The following LPCAT1 variants were observed in gnomAD, a reference collection of about 807,000 sequenced individuals.
LPCAT1 encodes lysophosphatidylcholine acyltransferase 1.
LPCAT1 carries 23 observed loss-of-function variants against 60.9 expected under a neutral mutation model. The observed-to-expected ratio is 0.38, with a 90% CI of 0.27 to 0.53. LPCAT1 has a LOEUF of 0.53. Among genes scored for constraint, LPCAT1 ranks in the 20% least tolerant of loss-of-function variants. LPCAT1 has a pLI of 0.82. For synonymous variants in LPCAT1, 340 were observed against 301.1 expected, an observed-to-expected ratio of 1.13 and a Z score of -1.34; for missense variants, 622 against 723.6, an observed-to-expected ratio of 0.86 and a Z score of 1.61.
intron 12 of LPCAT1, 99 bp from the exon 13 acceptor site, chr5:1,466,989 G>A: frequency 2.3e-6 from 3 of 1,282,794 alleles, no homozygotes; most frequent in Non-Finnish European, 3.0e-6. Context: ...CTTTGTCAGA[G>A]CTGCTGGGCA....
rs1239969721 is a variant in LPCAT1, at chr5:1,480,135, C to T, written c.762-460G>A. ...ATTTGGAGCTGCTCCCAGGGCCACA[C>T]TCACGCCTCCGACAGCCCAGTGCCC... On this transcript the variant is annotated intron_variant, in intron 7 of 13. Transcript: ENST00000283415. The surrounding 1 kb of genome is among the most constrained non-coding windows in gnomAD (Gnocchi z 6.4). Among the ~76,000 whole-genome samples the T allele has an allele frequency of 2.6e-5, 4 of 151,874 alleles. No homozygotes were observed. Among genetic ancestry groups the T allele is most frequent in the African/African-American group, 9.7e-5 (4 of 41,318 alleles).
chr5:1,494,630 C>T, intron 3 of LPCAT1, 70 bp downstream of exon 3: 1 of 1,425,118 alleles, frequency 7.0e-7, no homozygotes, highest in Non-Finnish European at 9.9e-7. Context: ...CTCTTATTCT[C>T]AGCAGCAGGG....
At position 1,502,982 on chromosome 5, in the gene LPCAT1, G is replaced by A. The variant is rs117217541; in HGVS notation, c.136-1379C>T. ...AATACCATTTCGACACGTACTCAAC[G>A]TAGAAGTTGCTACTGGCTAGTTTGC... is the stretch of plus-strand genomic sequence containing the variant. On this transcript the variant is annotated intron_variant, in intron 1 of 13. Coordinates refer to ENST00000283415, the MANE Select transcript of LPCAT1 (RefSeq NM_024830.5). This position sits in a 1 kb window ranked among gnomAD's most constrained non-coding sequence, Gnocchi z 5.5. 2.0e-5 allele frequency among the ~76,000 whole-genome samples: 3 copies of A among 152,284 alleles called. No individual in the cohort carries two copies. Among genetic ancestry groups the A allele is most frequent in the East Asian group, 1.9e-4 (1 of 5,186 alleles).
intron 1 of LPCAT1, among the ~76,000 whole-genome samples, chr5:1,509,552 A>C (rs932236667): frequency 2.0e-5 from 3 of 152,032 alleles, no homozygotes; most frequent in Non-Finnish European, 4.4e-5. Flanking sequence ...AGCAAACACC[A>C]CCAGCCCGCC....
intron 11 of LPCAT1, 121 bp from the exon 12 acceptor site, chr5:1,471,045 G>T: frequency 1.4e-6 from 1 of 731,062 alleles, no homozygotes. Context: ...GGGAACATCT[G>T]CCCATGTGAA....
chr5:1,512,343 G>A (rs1187678679), intron 1 of LPCAT1, among the ~76,000 whole-genome samples: 2 of 152,144 alleles, frequency 1.3e-5, no homozygotes, highest in Admixed American at 6.5e-5. Context: ...ATCATCCCAC[G>A]GAGGCTCACA....
intron 5 of LPCAT1, among the ~76,000 whole-genome samples, chr5:1,485,518 G>A (rs369162237): frequency 6.6e-6 from 1 of 152,214 alleles, no homozygotes; most frequent in Non-Finnish European, 1.5e-5. Flanking sequence ...CATAGCTTGT[G>A]CTGGGCATGG....
At chr5:1,489,979 G>T in intron 3 of LPCAT1, 121 bp from the exon 4 acceptor site, 4 of 730,002 alleles carry the variant, frequency 5.5e-6, no homozygotes, top group Non-Finnish European at 7.4e-6. Flanking sequence ...TGCCCCAGGG[G>T]CTGTGCCATG....
chr5:1,483,567 G>C lies in LPCAT1; in HGVS notation c.668-81C>G. 2.1e-6 allele frequency: 3 copies of C among 1,455,484 alleles called. No homozygotes were observed. Among genetic ancestry groups the C allele is most frequent in the Non-Finnish European group, 2.9e-6 (3 of 1,047,186 alleles). 90.2% of individuals were successfully genotyped at this position (1,455,484 alleles called of 1,614,324 possible). On this transcript the variant is annotated intron_variant, in intron 5 of 13. Transcript: ENST00000283415. The surrounding 1 kb of genome is among the most constrained non-coding windows in gnomAD (Gnocchi z 9.2). ...GCTGCGTTTCTCATGCTGCCCTTGG[G>C]ATAAAAGTGAGCTTTTCTGTCTAGG...
At chr5:1,474,167 C>G in intron 10 of LPCAT1, 57 bp from the exon 11 acceptor site, 1 of 1,547,664 alleles carries the variant, frequency 6.5e-7, no homozygotes, top group Non-Finnish European at 8.9e-7. Flanking sequence ...CATGCTAACA[C>G]CAGATTTACT....
intron 2 of LPCAT1, among the ~76,000 whole-genome samples, chr5:1,497,539 C>T (rs1037428352): frequency 5.9e-5 from 9 of 152,228 alleles, no homozygotes; most frequent in African/African-American, 2.2e-4. Context: ...CCTGGGGCCA[C>T]GTCTGGCGGG....
At chr5:1,494,996 A>T (rs1735732461) in intron 2 of LPCAT1, 82 bp from the exon 3 acceptor site, 1 of 1,317,454 alleles carries the variant, frequency 7.6e-7, no homozygotes, top group African/African-American at 1.5e-5. Flanking sequence ...GTCCCACGGG[A>T]GAGCCCTCCA....
rs1354833177 is a variant in LPCAT1 at position 1,502,542 on chromosome 5, G to A, written c.136-939C>T. ...GCTCAGGAAGGCCCCCCAAGCCAGG[G>A]CAGGCCCCCACGCCAGGGAAGGCCG... On this transcript the variant is annotated intron_variant, in intron 1 of 13. Transcript: ENST00000283415. This position sits in a 1 kb window ranked among gnomAD's most constrained non-coding sequence, Gnocchi z 5.5. Among the ~76,000 whole-genome samples, 1 of 152,296 alleles carries A rather than the reference G, an allele frequency of 6.6e-6. No homozygotes were observed. The highest frequency in any genetic ancestry group is 6.5e-5 in the Admixed American group (1 of 15,304).
Position 1,523,574 on chromosome 5 carries a change from A to C in LPCAT1, c.135+136T>G. 2.1e-6 allele frequency: 1 copy of C among 476,234 alleles called. No individual in the cohort carries two copies. The highest frequency in any genetic ancestry group is 2.8e-6 in the Non-Finnish European group (1 of 362,292). 29.5% of individuals were successfully genotyped at this position (476,234 alleles called of 1,614,324 possible). A position where few individuals can be genotyped will look rare whatever the true frequency, so the allele number is the denominator to read the frequency against. ...CGCGAACTGAGGGGCGGCCGCGGGG[A>C]GGGAAGGCGCCGCGGCTCGCAGGGC... On this transcript the variant is annotated intron_variant, in intron 1 of 13. Coordinates refer to ENST00000283415, the MANE Select transcript of LPCAT1 (RefSeq NM_024830.5). The surrounding 1 kb of genome is among the most constrained non-coding windows in gnomAD (Gnocchi z 7.1).
intron 7 of LPCAT1, 66 bp from the exon 8 acceptor site, chr5:1,479,741 A>C: frequency 8.0e-7 from 1 of 1,256,122 alleles, no homozygotes; most frequent in Non-Finnish European, 1.2e-6. Context: ...ATTACTCCCA[A>C]TTCTGGGGTG....
rs1445731870 is a variant in LPCAT1, at chr5:1,501,522, G to A, written c.217C>T (p.Leu73Phe). ...AMMLLAWPLALVASLGSAEKE... is the reference protein window; with the variant it reads ...AMMLLAWPLAFVASLGSAEKE... ...TCCGCAGAGCCCAGGGATGCGACAA[G>A]TGCGAGGGGCCAGGCCAGCAGCATC... The change falls in exon 2 of 14, where the codon CTT (leucine) becomes TTT (phenylalanine). Residue 73 changes from leucine (L) to phenylalanine (F), a missense_variant. Transcript: ENST00000283415. The A allele has an allele frequency of 6.2e-7, 1 of 1,613,974 alleles. No homozygotes were observed. Among genetic ancestry groups the A allele is most frequent in the Admixed American group, 1.7e-5 (1 of 60,034 alleles).
rs543983051 is a variant in LPCAT1, at chr5:1,481,036, C to A, written c.727-60G>T. ...GCCTGCACCCAGGGCCTGCACCAAG[C>A]ACCTGCGTGTGCCGGCCTCTCCCTG... On this transcript the variant is annotated intron_variant, in intron 6 of 13. Transcript: ENST00000283415. This position sits in a 1 kb window ranked among gnomAD's most constrained non-coding sequence, Gnocchi z 7.8. 2 of 1,587,908 alleles carry A rather than the reference C, an allele frequency of 1.3e-6. No individual in the cohort carries two copies. Among genetic ancestry groups the A allele is most frequent in the African/African-American group, 2.7e-5 (2 of 74,378 alleles).
intron 12 of LPCAT1, among the ~76,000 whole-genome samples, 168 bp downstream of exon 12, chr5:1,470,658 T>C (rs1393330467): frequency 2.0e-5 from 3 of 152,232 alleles, no homozygotes; most frequent in African/African-American, 7.2e-5. Flanking sequence ...CTGGGAGTTT[T>C]CTGGGCATTT....
chr5:1,501,167 T>C (rs28566608), intron 2 of LPCAT1, among the ~76,000 whole-genome samples: 63,445 of 152,068 alleles, frequency 0.42, 15,910 homozygotes, highest in African/African-American at 0.71. Context: ...CAGAGAAGGC[T>C]ACGGTGTAGG....
Sources: gnomAD v4.1 joint callset for allele counts (sites outside exome capture counted in the v4.1 genomes callset) on GRCh38, gnomAD v4.1.1 for gene constraint, Gnocchi (gnomAD v3.1) non-coding constraint, MANE v1.5 for transcripts, NCBI Gene and HGNC (gene_info 2026-07-23, HGNC 2026-07-21) for gene names.